The following ACYP2 variants were observed in gnomAD, a reference collection of about 807,000 sequenced individuals.
The protein encoded by ACYP2 is acylphosphatase-2.
A neutral mutation model predicts 11.2 loss-of-function variants in ACYP2; 12 were observed. The ratio of observed to expected loss-of-function variants is 1.08; its 90% CI spans 0.69 to 1.74. The LOEUF is 1.74. ACYP2 is among the 40% of genes most tolerant of loss of function. The pLI, the probability that ACYP2 is intolerant of heterozygous loss-of-function variation, is 0.00. For missense variants in ACYP2, 134 were observed against 101.9 expected (o/e 1.31, Z -1.35); for synonymous variants, 43 against 32.2 (o/e 1.33, Z -1.13).
intron 2 of ACYP2, among the ~76,000 whole-genome samples, chr2:54,015,444 G>A (rs968205173): frequency 3.9e-5 from 6 of 151,960 alleles, no homozygotes; most frequent in African/African-American, 1.4e-4. Context: ...GGAGACAGAG[G>A]TTGCGGTGAG....
intron 2 of ACYP2, among the ~76,000 whole-genome samples, chr2:54,010,070 T>C (rs1673277661): frequency 6.6e-6 from 1 of 151,922 alleles, no homozygotes; most frequent in African/African-American, 2.4e-5. Flanking sequence ...AAACAAGAGG[T>C]TATGGGTAGG....
intron 6 of ACYP2, among the ~76,000 whole-genome samples, chr2:54,299,186 A>G (rs945031734): frequency 6.6e-6 from 1 of 152,206 alleles, no homozygotes; most frequent in African/African-American, 2.4e-5. Flanking sequence ...AACCAGACTC[A>G]TAGCTTCTAG....
At chr2:54,033,539 C>A (rs1674707895) in intron 2 of ACYP2, among the ~76,000 whole-genome samples, 1 of 152,060 alleles carries the variant, frequency 6.6e-6, no homozygotes, top group South Asian at 2.1e-4. Flanking sequence ...TATGAATTTA[C>A]TTTTAGGAGA....
rs59845178 is a variant in ACYP2, at chr2:54,074,578, T to TTGTGTGTG, written c.277+17254_277+17261dup. ...TAATTATATATAAATAGAACAGAAT[T>TTGTGTGTG]TGTGTGTGTGTGTGTGTGTGTGTGT... is the stretch of plus-strand genomic sequence containing the variant. On this transcript the variant is annotated intron_variant, in intron 4 of 6. Transcript: ENST00000607452. Among the ~76,000 whole-genome samples the TTGTGTGTG allele has an allele frequency of 2.3e-3, 342 of 146,048 alleles. 1 individual carries two copies. Among genetic ancestry groups the TTGTGTGTG allele is most frequent in the African/African-American group, 7.9e-3 (310 of 39,168 alleles).
chr2:54,010,877 C>T (rs967557489), intron 2 of ACYP2, among the ~76,000 whole-genome samples: 1 of 151,606 alleles, frequency 6.6e-6, no homozygotes, highest in East Asian at 1.9e-4. Flanking sequence ...CCATGTTGCC[C>T]AGGCTGGTCT....
intron 4 of ACYP2, among the ~76,000 whole-genome samples, chr2:54,064,159 TG>T (rs2103636528): frequency 6.6e-6 from 1 of 152,320 alleles, no homozygotes; most frequent in East Asian, 1.9e-4. Flanking sequence ...TCTTTTTTTT[TG>T]GCTGCTCAGC....
chr2:54,097,292 C>T (rs1678644370), intron 4 of ACYP2, among the ~76,000 whole-genome samples: 2 of 152,200 alleles, frequency 1.3e-5, no homozygotes. Flanking sequence ...TGTCTCTTTC[C>T]CCTGATGGGA....
chr2:54,218,349 T>G (rs573169319), intron 6 of ACYP2, among the ~76,000 whole-genome samples: 1 of 152,306 alleles, frequency 6.6e-6, no homozygotes, highest in Non-Finnish European at 1.5e-5. Context: ...ACATATATAT[T>G]GTATACCTGT....
At chr2:54,096,456 C>G (rs913225651) in intron 4 of ACYP2, among the ~76,000 whole-genome samples, 11 of 152,100 alleles carry the variant, frequency 7.2e-5, no homozygotes, top group East Asian at 3.9e-4. Context: ...GCTGTACTCT[C>G]GGCACTTTGG....
At chr2:54,202,939 C>T (rs1215140) in intron 6 of ACYP2, among the ~76,000 whole-genome samples, 39,220 of 151,192 alleles carry the variant, frequency 0.26, 5,331 homozygotes, top group South Asian at 0.44. Flanking sequence ...TAGATTGTTA[C>T]GGCTATTCGT....
chr2:54,286,961 A>G (rs1375416556), intron 6 of ACYP2, among the ~76,000 whole-genome samples: 1 of 152,100 alleles, frequency 6.6e-6, no homozygotes, highest in Non-Finnish European at 1.5e-5. Flanking sequence ...AGTAAAGAGT[A>G]TACTATCACA....
At chr2:54,288,086 C>G (rs903335146) in intron 6 of ACYP2, among the ~76,000 whole-genome samples, 1 of 151,920 alleles carries the variant, frequency 6.6e-6, no homozygotes, top group Non-Finnish European at 1.5e-5. Context: ...GGGCTTTGTT[C>G]CCTTCACCTT....
chr2:54,287,142 A>C (rs1487413926), intron 6 of ACYP2, among the ~76,000 whole-genome samples: 1 of 151,994 alleles, frequency 6.6e-6, no homozygotes, highest in Non-Finnish European at 1.5e-5. Flanking sequence ...TTGGATGTCC[A>C]AGATCAAAGT....
At chr2:54,142,691 C>G (rs1402592134) in intron 6 of ACYP2, 3 of 152,010 alleles carry the variant, frequency 2.0e-5, no homozygotes, top group Admixed American at 6.6e-5. Flanking sequence ...CCACCGCACT[C>G]CAGTCTGGGC....
chr2:53,990,507 GGCGTGGTGGCGGCCACCTGTAATCCCA>G, intron 2 of ACYP2, among the ~76,000 whole-genome samples: 1 of 151,368 alleles, frequency 6.6e-6, no homozygotes, highest in South Asian at 2.1e-4. Flanking sequence ...AAATTAGCTG[GGCGTGGTGGCGGCCACCTGTAATCCCA>G]GCTACTTGGG....
At chr2:54,149,228 T>C (rs547605064) in intron 6 of ACYP2, among the ~76,000 whole-genome samples, 1 of 152,312 alleles carries the variant, frequency 6.6e-6, no homozygotes, top group East Asian at 1.9e-4. Context: ...ATTTGTTTCT[T>C]CCCAGGCCAT....
chr2:53,980,334 TAG>T (rs59112801), intron 2 of ACYP2, among the ~76,000 whole-genome samples: 4,662 of 151,654 alleles, frequency 0.031, 217 homozygotes, highest in African/African-American at 0.11. Context: ...GCCTGGGAGA[TAG>T]AGTGAGACCC....
At chr2:54,084,327 C>T (rs1219182415) in intron 4 of ACYP2, among the ~76,000 whole-genome samples, 4 of 152,202 alleles carry the variant, frequency 2.6e-5, no homozygotes, top group Non-Finnish European at 5.9e-5. Context: ...CGGAGTCTCA[C>T]TCTGTCGTCC....
At chr2:54,290,757 G>T (rs1454646588) in intron 6 of ACYP2, among the ~76,000 whole-genome samples, 2 of 152,282 alleles carry the variant, frequency 1.3e-5, no homozygotes, top group East Asian at 3.9e-4. Context: ...AAACGCAGGC[G>T]TGTCTGGCCA....
Sources: allele counts gnomAD v4.1 joint callset (sites outside exome capture counted in the v4.1 genomes callset), GRCh38; gene constraint gnomAD v4.1.1; transcripts MANE v1.5; gene names NCBI Gene and HGNC (gene_info 2026-07-23, HGNC 2026-07-21).